The following CERS6 variants were observed in gnomAD, a reference collection of about 807,000 sequenced individuals.
CERS6 encodes LAG1 homolog, ceramide synthase 6.
In CERS6, 26 loss-of-function variants were observed where a neutral mutation model predicts 56.8. The observed-to-expected ratio is 0.46, with a 90% CI of 0.34 to 0.63. The LOEUF is 0.63. Among genes scored for constraint, CERS6 ranks in the 30% least tolerant of loss-of-function variants. The pLI is 0.01. For missense variants in CERS6, 415 were observed against 467.5 expected (o/e 0.89, Z 1.04); for synonymous variants, 164 against 173.3 (o/e 0.95, Z 0.42).
chr2:168,485,905 A>G (rs1342118029), intron 1 of CERS6, among the ~76,000 whole-genome samples: 1 of 152,150 alleles, frequency 6.6e-6, no homozygotes, highest in Non-Finnish European at 1.5e-5. Flanking sequence ...TCATATAATA[A>G]GAGTATGTTT....
chr2:168,727,125 C>T (rs1052850826), intron 8 of CERS6, among the ~76,000 whole-genome samples: 1 of 152,170 alleles, frequency 6.6e-6, no homozygotes, highest in African/African-American at 2.4e-5. Flanking sequence ...CAAATACGTA[C>T]CTTTACTGGT....
chr2:168,471,495 G>T (rs1224033291), intron 1 of CERS6, among the ~76,000 whole-genome samples: 1 of 152,044 alleles, frequency 6.6e-6, no homozygotes, highest in Non-Finnish European at 1.5e-5. Flanking sequence ...ATGGTTTTAG[G>T]CTGTTTTTCT....
intron 3 of CERS6, among the ~76,000 whole-genome samples, chr2:168,601,185 A>G (rs995796324): frequency 6.6e-6 from 1 of 152,224 alleles, no homozygotes; most frequent in African/African-American, 2.4e-5. Flanking sequence ...GTCAGCTGAC[A>G]TAACAGGTGG....
At chr2:168,681,679 A>G (rs1486941563) in intron 4 of CERS6, among the ~76,000 whole-genome samples, 3 of 152,172 alleles carry the variant, frequency 2.0e-5, no homozygotes, top group African/African-American at 7.2e-5. Flanking sequence ...TTGAAAATAC[A>G]CAATAAATTG....
intron 1 of CERS6, among the ~76,000 whole-genome samples, chr2:168,531,836 A>C (rs1695173977): frequency 6.6e-6 from 1 of 151,300 alleles, no homozygotes; most frequent in African/African-American, 2.4e-5. Flanking sequence ...AAAAAAAAAA[A>C]GGTCAGTGAC....
At chr2:168,488,601 C>T (rs917344685) in intron 1 of CERS6, among the ~76,000 whole-genome samples, 3 of 151,698 alleles carry the variant, frequency 2.0e-5, no homozygotes, top group East Asian at 1.9e-4. Context: ...ATTTGTTTTC[C>T]GTGTATTCCC....
intron 1 of CERS6, among the ~76,000 whole-genome samples, chr2:168,536,472 G>A (rs746516362): frequency 1.4e-5 from 2 of 146,090 alleles, no homozygotes; most frequent in African/African-American, 2.4e-5. Flanking sequence ...CACACACACA[G>A]TGAGATGATA....
intron 1 of CERS6, among the ~76,000 whole-genome samples, chr2:168,531,332 T>G (rs999421979): frequency 6.6e-6 from 1 of 152,158 alleles, no homozygotes; most frequent in Non-Finnish European, 1.5e-5. Context: ...TTGAAATAAT[T>G]ATAGATTCAC....
At chr2:168,686,254 A>G (rs1686348650) in intron 4 of CERS6, among the ~76,000 whole-genome samples, 1 of 150,364 alleles carries the variant, frequency 6.7e-6, no homozygotes, top group Admixed American at 6.6e-5. Flanking sequence ...GTGGAGAGGG[A>G]GAAATCTCTC....
intron 3 of CERS6, among the ~76,000 whole-genome samples, chr2:168,613,565 A>G (rs1684238455): frequency 6.6e-6 from 1 of 152,230 alleles, no homozygotes; most frequent in Non-Finnish European, 1.5e-5. Context: ...GACTCAAAAT[A>G]TAAGAGTTCA....
chr2:168,651,995 C>A (rs1201102587), intron 4 of CERS6, among the ~76,000 whole-genome samples: 2 of 151,938 alleles, frequency 1.3e-5, no homozygotes, highest in African/African-American at 4.8e-5. Flanking sequence ...TTACAAATCT[C>A]TTTTTCATAC....
chr2:168,661,985 C>T (rs1403018759), intron 4 of CERS6, among the ~76,000 whole-genome samples: 3 of 152,192 alleles, frequency 2.0e-5, no homozygotes. Flanking sequence ...AGACATATTG[C>T]AGTCTCTTTT....
intron 1 of CERS6, among the ~76,000 whole-genome samples, chr2:168,536,918 T>C (rs1274359511): frequency 6.6e-6 from 1 of 151,732 alleles, no homozygotes; most frequent in East Asian, 1.9e-4. Context: ...ATTACAAAAA[T>C]GAAGATAGTA....
chr2:168,711,139 A>G (rs768897765), intron 6 of CERS6, among the ~76,000 whole-genome samples: 3 of 152,238 alleles, frequency 2.0e-5, no homozygotes, highest in Non-Finnish European at 4.4e-5. Flanking sequence ...TTGTCCATAA[A>G]TGTTAGGCAC....
At chr2:168,468,037 AG>A (rs1264292177) in intron 1 of CERS6, among the ~76,000 whole-genome samples, 2 of 152,276 alleles carry the variant, frequency 1.3e-5, no homozygotes, top group East Asian at 3.9e-4. Context: ...GTGCCAGTTT[AG>A]GGAGGGAGGA....
At chr2:168,559,228 A>G (rs933256708) in intron 2 of CERS6, among the ~76,000 whole-genome samples, 5 of 151,788 alleles carry the variant, frequency 3.3e-5, no homozygotes, top group African/African-American at 1.2e-4. Flanking sequence ...AAAAACCCCA[A>G]AGTTGGCAAA....
At chr2:168,626,231 G>A (rs1312400619) in intron 3 of CERS6, among the ~76,000 whole-genome samples, 2 of 152,140 alleles carry the variant, frequency 1.3e-5, no homozygotes, top group Admixed American at 1.3e-4. Context: ...AAAGTGCTTA[G>A]AAGAACTCAG....
rs567446128 is a variant in CERS6, at chr2:168,558,537, T to C, written c.277-2655T>C. Among the ~76,000 whole-genome samples, 239 of 152,330 alleles carry C rather than the reference T, an allele frequency of 1.6e-3. 3 individuals are homozygous for C. The highest frequency in any genetic ancestry group is 2.8e-4 in the Non-Finnish European group (19 of 68,034). On this transcript the variant is annotated intron_variant, in intron 2 of 9. Transcript: ENST00000305747. Reference sequence around the variant, plus strand: ...TGTGACAAGGGGTGATATAATAATATATATTCAAGTTTGCTTATATTTGTG... The same window carrying C: ...TGTGACAAGGGGTGATATAATAATACATATTCAAGTTTGCTTATATTTGTG...
At chr2:168,602,157 C>T (rs1225946975) in intron 3 of CERS6, among the ~76,000 whole-genome samples, 2 of 152,152 alleles carry the variant, frequency 1.3e-5, no homozygotes, top group Non-Finnish European at 2.9e-5. Flanking sequence ...CACAAATAAG[C>T]ATTGGCCGAT....
Sources: allele counts gnomAD v4.1 joint callset (sites outside exome capture counted in the v4.1 genomes callset), GRCh38; gene constraint gnomAD v4.1.1; transcripts MANE v1.5; gene names NCBI Gene and HGNC (gene_info 2026-07-23, HGNC 2026-07-21).